MAF: variants seen among roughly 807,000 people sequenced by gnomAD.
The protein encoded by MAF is transcription factor Maf.
Under a neutral mutation model 22.0 loss-of-function variants are expected in MAF, and 10 were observed. The ratio of observed to expected loss-of-function variants is 0.45; its 90% CI spans 0.28 to 0.77. The LOEUF is 0.77. MAF is among the 30% of genes least tolerant of loss of function. The pLI, the probability that MAF is intolerant of heterozygous loss-of-function variation, is 0.12. For missense variants in MAF, 544 were observed against 548.4 expected (o/e 0.99, Z 0.08); for synonymous variants, 337 against 255.8 (o/e 1.32, Z -3.03).
At chr16:79,470,630 T>C in the MAF span, among the ~76,000 whole-genome samples, 1 of 152,204 alleles carries the variant, frequency 6.6e-6, no homozygotes, top group Non-Finnish European at 1.5e-5. Context: ...ACTTACTGGG[T>C]ATTATTCTTC....
the MAF span, among the ~76,000 whole-genome samples, chr16:79,309,246 A>G: frequency 8.5e-5 from 13 of 152,296 alleles, 1 homozygote; most frequent in African/African-American, 3.1e-4. Flanking sequence ...GACTGGCCTC[A>G]TTTGGCTGAT....
At chr16:79,323,628 G>A in the MAF span, among the ~76,000 whole-genome samples, 2 of 152,174 alleles carry the variant, frequency 1.3e-5, no homozygotes, top group Non-Finnish European at 2.9e-5. Flanking sequence ...TGATGGGACC[G>A]TACCTTGCGG....
chr16:79,372,589 C>G, the MAF span, among the ~76,000 whole-genome samples: 5 of 152,222 alleles, frequency 3.3e-5, no homozygotes, highest in African/African-American at 1.2e-4. Context: ...TGGTGACCTA[C>G]TGGGGCATCT....
At chr16:79,323,416 G>A in the MAF span, among the ~76,000 whole-genome samples, 1 of 152,000 alleles carries the variant, frequency 6.6e-6, no homozygotes, top group African/African-American at 2.4e-5. Flanking sequence ...ATACATCTCT[G>A]TGTTGTTTCC....
chr16:79,291,074 C>G, the MAF span, among the ~76,000 whole-genome samples: 1 of 152,168 alleles, frequency 6.6e-6, no homozygotes, highest in Non-Finnish European at 1.5e-5. Context: ...TTCCACATCT[C>G]CCATAGGACC....
At chr16:79,526,302 G>GACC in the MAF span, among the ~76,000 whole-genome samples, 3 of 152,168 alleles carry the variant, frequency 2.0e-5, no homozygotes, top group South Asian at 6.2e-4. Flanking sequence ...CTCATAAGGA[G>GACC]ACCACAACCT....
chr16:79,301,787 T>A, the MAF span, among the ~76,000 whole-genome samples: 2 of 152,212 alleles, frequency 1.3e-5, no homozygotes, highest in Non-Finnish European at 1.5e-5. Context: ...GTGCTCTGGG[T>A]ATGATGCTAT....
At chr16:79,565,607 G>A in the MAF span, among the ~76,000 whole-genome samples, 1 of 152,110 alleles carries the variant, frequency 6.6e-6, no homozygotes, top group Non-Finnish European at 1.5e-5. Context: ...GCTGTTATAA[G>A]GGGCTCTTTT....
the MAF span, among the ~76,000 whole-genome samples, chr16:79,496,235 G>A: frequency 2.0e-5 from 3 of 152,298 alleles, no homozygotes; most frequent in East Asian, 1.9e-4. Flanking sequence ...AAAAAATAGA[G>A]CAAAGAAAGA....
the MAF span, among the ~76,000 whole-genome samples, chr16:79,231,566 T>C: frequency 6.6e-6 from 1 of 152,104 alleles, no homozygotes; most frequent in Non-Finnish European, 1.5e-5. Flanking sequence ...ATCAGGTATC[T>C]ACCTGCCTAT....
At chr16:79,237,187 C>A in the MAF span, among the ~76,000 whole-genome samples, 2 of 152,124 alleles carry the variant, frequency 1.3e-5, no homozygotes, top group South Asian at 4.1e-4. Flanking sequence ...CCCTCATAAT[C>A]CTATGTGTAA....
At chr16:79,529,731 C>A in the MAF span, among the ~76,000 whole-genome samples, 1 of 152,070 alleles carries the variant, frequency 6.6e-6, no homozygotes, top group Non-Finnish European at 1.5e-5. Context: ...GAGGCCGAGG[C>A]GAGTGGATTA....
At chr16:79,465,015 G>A in the MAF span, among the ~76,000 whole-genome samples, 1 of 152,168 alleles carries the variant, frequency 6.6e-6, no homozygotes, top group African/African-American at 2.4e-5. Context: ...ACTTCTAGGT[G>A]GATAGTCATC....
the MAF span, among the ~76,000 whole-genome samples, chr16:79,501,110 G>T: frequency 9.2e-5 from 14 of 152,200 alleles, no homozygotes; most frequent in East Asian, 2.5e-3. Flanking sequence ...CTAAATCAAG[G>T]TGTCACCACA....
At chr16:79,273,943 G>A in the MAF span, among the ~76,000 whole-genome samples, 1 of 133,908 alleles carries the variant, frequency 7.5e-6, no homozygotes, top group Non-Finnish European at 1.5e-5. Flanking sequence ...GGTACTTCGT[G>A]TCTGCCTTTT....
chr16:79,516,947 G>C, the MAF span, among the ~76,000 whole-genome samples: 1 of 152,314 alleles, frequency 6.6e-6, no homozygotes, highest in African/African-American at 2.4e-5. Flanking sequence ...AAAAGGTTGA[G>C]AACCTCTGAA....
At chr16:79,476,371 A>G in the MAF span, among the ~76,000 whole-genome samples, 1 of 152,202 alleles carries the variant, frequency 6.6e-6, no homozygotes, top group Non-Finnish European at 1.5e-5. Context: ...TGCTGAATTG[A>G]TGGTGATTTG....
chr16:79,483,323 C>A, the MAF span, among the ~76,000 whole-genome samples: 1 of 134,630 alleles, frequency 7.4e-6, no homozygotes, highest in Non-Finnish European at 1.6e-5. Flanking sequence ...TGAACAAACA[C>A]TGTGTGAGGA....
At chr16:79,587,524 T>C (rs1244087353) in intron 1 of MAF, among the ~76,000 whole-genome samples, 1 of 152,160 alleles carries the variant, frequency 6.6e-6, no homozygotes, top group Non-Finnish European at 1.5e-5. Flanking sequence ...ATTTTTGTAA[T>C]TCCTTGGGGA....
Sources: gnomAD v4.1 joint callset for allele counts (sites outside exome capture counted in the v4.1 genomes callset) on GRCh38, gnomAD v4.1.1 for gene constraint, MANE v1.5 for transcripts, NCBI Gene and HGNC (gene_info 2026-07-23, HGNC 2026-07-21) for gene names.